Variants in ALPL observed in about 807,000 individuals in gnomAD.
ALPL encodes the protein alkaline phosphatase, tissue-nonspecific isozyme.
ALPL carries 42 observed loss-of-function variants against 51.3 expected under a neutral mutation model. The ratio of observed to expected loss-of-function variants is 0.82; its 90% CI spans 0.64 to 1.06. The LOEUF (loss-of-function observed/expected upper bound fraction) is 1.06. Ranked by LOEUF, ALPL falls within the 50% of genes least tolerant of loss-of-function variation. The probability of loss-of-function intolerance (pLI) is 0.00; values close to 1 mark genes in which losing one functional copy is unlikely to be tolerated. For synonymous variants in ALPL, 279 were observed against 296.4 expected, an observed-to-expected ratio of 0.94 and a Z score of 0.60; for missense variants, 589 against 709.4, an observed-to-expected ratio of 0.83 and a Z score of 1.93.
chr1:21,570,172 G>A (rs1644625070), intron 7 of ALPL, 133 bp from the exon 8 acceptor site: 1 of 834,606 alleles, frequency 1.2e-6, no homozygotes, highest in Non-Finnish European at 2.0e-6. Context: ...GTCAGGGATG[G>A]TGGGTCCTCA....
At chr1:21,559,212 C>A (rs1013215441) in intron 2 of ALPL, among the ~76,000 whole-genome samples, 1 of 152,212 alleles carries the variant, frequency 6.6e-6, no homozygotes, top group Admixed American at 6.5e-5. Context: ...AAAGAGGAAA[C>A]CGCTAGGGAG....
At chr1:21,526,737 C>T (rs560620793) in intron 1 of ALPL, among the ~76,000 whole-genome samples, 2 of 152,222 alleles carry the variant, frequency 1.3e-5, no homozygotes, top group Admixed American at 1.3e-4. Flanking sequence ...TTTGCATGTT[C>T]CTGAAAAGAA....
intron 2 of ALPL, among the ~76,000 whole-genome samples, chr1:21,559,190 T>C (rs1344867897): frequency 6.6e-6 from 1 of 152,100 alleles, no homozygotes; most frequent in Non-Finnish European, 1.5e-5. Context: ...TTCTGTGCAG[T>C]GGGAGGCCTT....
intron 1 of ALPL, among the ~76,000 whole-genome samples, chr1:21,522,111 G>A (rs1007764861): frequency 7.6e-5 from 11 of 144,316 alleles, no homozygotes; most frequent in South Asian, 2.2e-4. Flanking sequence ...TCGCTCTGTC[G>A]CCCAGGCTGG....
At chr1:21,554,863 TTC>T (rs1309271665) in intron 2 of ALPL, among the ~76,000 whole-genome samples, 7 of 135,432 alleles carry the variant, frequency 5.2e-5, no homozygotes, top group Non-Finnish European at 7.9e-5. Flanking sequence ...CTTTCTTTCT[TTC>T]TTTCTTTCTC....
At chr1:21,510,333 G>T (rs1643660529) in intron 1 of ALPL, among the ~76,000 whole-genome samples, 1 of 152,198 alleles carries the variant, frequency 6.6e-6, no homozygotes, top group South Asian at 2.1e-4. Flanking sequence ...GGGGTCGAAG[G>T]CGGGGCCTTT....
chr1:21,576,577 T>C lies in ALPL; in HGVS notation c.1245T>C (p.Tyr415=), dbSNP rs747539132. The C allele has an allele frequency of 2.6e-5, 42 of 1,613,974 alleles. No individual in the cohort carries two copies. The South Asian group carries it at 4.6e-4, about 18-fold the overall frequency. ...TDKKPFTAIL[Y]GNGPGYKVVG... Reference sequence around the variant, plus strand: ...AGAAGCCCTTCACTGCCATCCTGTATGGCAATGGGCCTGGCTACAAGGTGG... The same window carrying C: ...AGAAGCCCTTCACTGCCATCCTGTACGGCAATGGGCCTGGCTACAAGGTGG... The change falls in exon 11 of 12, where the codon TAT becomes TAC. Residue 415 remains tyrosine, a synonymous_variant. Coordinates refer to ENST00000374840, the MANE Select transcript of ALPL (RefSeq NM_000478.6).
intron 1 of ALPL, among the ~76,000 whole-genome samples, chr1:21,514,205 GAGCATCTACCTGTCAA>G (rs1643748049): frequency 6.6e-6 from 1 of 152,178 alleles, no homozygotes; most frequent in African/African-American, 2.4e-5. Flanking sequence ...GGGGGTGATA[GAGCATCTACCTGTCAA>G]GGCTCAGCGA....
At chr1:21,558,607 G>T (rs1303811155) in intron 2 of ALPL, among the ~76,000 whole-genome samples, 2 of 152,226 alleles carry the variant, frequency 1.3e-5, no homozygotes, top group Admixed American at 1.3e-4. Context: ...AAGGGCCAAG[G>T]TGCTCCCAAT....
rs559392456 is a variant in ALPL at position 21,552,348 on chromosome 1, G to A, written c.-104-1630G>A. Among the ~76,000 whole-genome samples the A allele has an allele frequency of 1.0e-4, 15 of 150,528 alleles. No homozygotes were observed. The South Asian group carries it at 2.9e-3, about 29-fold the overall frequency. Reference sequence around the variant, plus strand: ...TACAAAATTGGCCGGGCATGGTGGCGCAAGCCTGTAATCCCAGCCACTCGG... The same window carrying A: ...TACAAAATTGGCCGGGCATGGTGGCACAAGCCTGTAATCCCAGCCACTCGG... On this transcript the variant is annotated intron_variant, in intron 1 of 11. Coordinates refer to ENST00000374840, the MANE Select transcript of ALPL (RefSeq NM_000478.6).
chr1:21,568,024 G>C (rs115768834), intron 6 of ALPL, 80 bp from the exon 7 acceptor site: 1 of 1,600,274 alleles, frequency 6.2e-7, no homozygotes, highest in African/African-American at 1.3e-5. Flanking sequence ...GACTCCAGGA[G>C]TCCAGGTTCC....
chr1:21,565,193 A>G (rs1351783300), intron 6 of ALPL, among the ~76,000 whole-genome samples: 2 of 152,142 alleles, frequency 1.3e-5, no homozygotes, highest in African/African-American at 4.8e-5. Context: ...TCTGGGGGCT[A>G]CTTGGCCCCT....
chr1:21,536,121 T>C (rs1278875761), intron 1 of ALPL, among the ~76,000 whole-genome samples: 1 of 152,242 alleles, frequency 6.6e-6, no homozygotes, highest in Non-Finnish European at 1.5e-5. Context: ...TAAACTTCAA[T>C]GGACAACAAC....
Position 21,554,132 on chromosome 1 carries a change from C to T in ALPL, c.51C>T (p.Ser17=), listed in dbSNP as rs1481042815. 1 of 1,613,546 alleles carries T rather than the reference C, an allele frequency of 6.2e-7. No homozygotes were observed. The highest frequency in any genetic ancestry group is 8.5e-7 in the Non-Finnish European group (1 of 1,179,876). ...VLAIGTCLTN[S]LVPEKEKDPK... ...CCATTGGCACCTGCCTTACTAACTC[C>T]TTAGTGCCAGGTATGCTTGGGGACA... The change falls in exon 2 of 12, where the codon TCC becomes TCT. Residue 17 remains serine (S), a synonymous_variant. Coordinates refer to ENST00000374840, the MANE Select transcript of ALPL (RefSeq NM_000478.6).
At position 21,554,161 on chromosome 1, in the gene ALPL, G is replaced by A; in HGVS notation, c.61+19G>A. On this transcript the variant is annotated intron_variant, in intron 2 of 11. Transcript: ENST00000374840. ...GTGCCAGGTATGCTTGGGGACACAG[G>A]TGGAGGCATAAAAAGGTGGTGCAGA... The A allele has an allele frequency of 9.9e-6, 16 of 1,613,172 alleles. No individual in the cohort carries two copies. Among genetic ancestry groups the A allele is most frequent in the Non-Finnish European group, 1.3e-5 (15 of 1,179,396 alleles).
chr1:21,563,224 C>T lies in ALPL; in HGVS notation c.412C>T (p.Arg138Trp), dbSNP rs748874853. Residue 138 changes from arginine to tryptophan, a missense_variant, in exon 5 of 12, where the codon CGG (arginine) becomes TGG (tryptophan). Coordinates refer to ENST00000374840, the MANE Select transcript of ALPL (RefSeq NM_000478.6). ...GGTAAGCGCAGCCACTGAGCGTTCCCGGTGCAACACCACCCAGGGGAACGA... is the reference window on the plus strand; with the variant it reads ...GGTAAGCGCAGCCACTGAGCGTTCCTGGTGCAACACCACCCAGGGGAACGA... ...VGVSAATERSRCNTTQGNEVT... is the reference protein window; with the variant it reads ...VGVSAATERSWCNTTQGNEVT... The T allele has an allele frequency of 8.7e-6, 14 of 1,613,760 alleles. No individual in the cohort carries two copies. The highest frequency in any genetic ancestry group is 4.5e-5 in the East Asian group (2 of 44,890).
chr1:21,517,092 T>C (rs980729073), intron 1 of ALPL, among the ~76,000 whole-genome samples: 6 of 152,222 alleles, frequency 3.9e-5, no homozygotes, highest in Non-Finnish European at 5.9e-5. Context: ...TTGGCTATAC[T>C]GTATTGAATG....
At chr1:21,550,240 C>T (rs1305808730) in intron 1 of ALPL, among the ~76,000 whole-genome samples, 1 of 152,162 alleles carries the variant, frequency 6.6e-6, no homozygotes, top group African/African-American at 2.4e-5. Flanking sequence ...TCATTTTACA[C>T]TTGGGGGCAA....
At chr1:21,562,650 A>G (rs2996665) in intron 4 of ALPL, among the ~76,000 whole-genome samples, 70,853 of 150,940 alleles carry the variant, frequency 0.47, 17,535 homozygotes, top group East Asian at 0.64. Flanking sequence ...CAGAGAAGTC[A>G]GCGCTGGTCT....
Sources: allele counts gnomAD v4.1 joint callset (sites outside exome capture counted in the v4.1 genomes callset), GRCh38; gene constraint gnomAD v4.1.1; transcripts MANE v1.5; gene names NCBI Gene and HGNC (gene_info 2026-07-23, HGNC 2026-07-21).